The following TSPAN5 variants were observed in gnomAD, a reference collection of about 807,000 sequenced individuals.
TSPAN5 encodes tetraspanin-5.
A neutral mutation model predicts 37.1 loss-of-function variants in TSPAN5; 10 were observed. The observed-to-expected ratio is 0.27, with a 90% CI of 0.17 to 0.46. The LOEUF (loss-of-function observed/expected upper bound fraction) is 0.46, where lower values mean the gene tolerates loss of function less well. Ranked by LOEUF, TSPAN5 falls within the 20% of genes least tolerant of loss-of-function variation. The pLI is 1.00. For synonymous variants in TSPAN5, 110 were observed against 118.9 expected (o/e 0.93, Z 0.48); for missense variants, 195 against 326.6 (o/e 0.60, Z 3.11).
At chr4:98,652,031 A>AT (rs147104063) in intron 1 of TSPAN5, among the ~76,000 whole-genome samples, 5,914 of 150,374 alleles carry the variant, frequency 0.039, 274 homozygotes, top group East Asian at 0.22. Flanking sequence ...TTAATTTTTA[A>AT]TTTTTTTTTG....
intron 1 of TSPAN5, among the ~76,000 whole-genome samples, chr4:98,527,341 A>T (rs1374456587): frequency 6.6e-6 from 1 of 152,246 alleles, no homozygotes; most frequent in Non-Finnish European, 1.5e-5. Context: ...ATATCATTAG[A>T]GAGGTTTCTT....
intron 1 of TSPAN5, among the ~76,000 whole-genome samples, chr4:98,559,119 C>A (rs947024640): frequency 6.7e-5 from 9 of 134,092 alleles, no homozygotes; most frequent in Non-Finnish European, 1.3e-4. Flanking sequence ...GGGAAACAAG[C>A]CTTTCAAGAA....
intron 1 of TSPAN5, among the ~76,000 whole-genome samples, chr4:98,591,729 G>A (rs1270795593): frequency 7.2e-5 from 10 of 139,500 alleles, no homozygotes; most frequent in African/African-American, 2.7e-4. Flanking sequence ...TTTTTAATGT[G>A]TCTACCAGAA....
Position 98,478,691 on chromosome 4 carries a change from A to T in TSPAN5, c.570T>A (p.Asp190Glu), listed in dbSNP as rs1752762379. The T allele has an allele frequency of 6.2e-7, 1 of 1,614,074 alleles. No homozygotes were observed. Among genetic ancestry groups the T allele is most frequent in the South Asian group, 1.1e-5 (1 of 91,086 alleles). Residue 190 changes from aspartate (D) to glutamate (E), a missense_variant, in exon 5 of 8, where the codon GAT (aspartate) becomes GAA (glutamate). Coordinates refer to ENST00000305798, the MANE Select transcript of TSPAN5 (RefSeq NM_005723.4). ...TTCGCTGGCATTCACTTACTGCGGGATCTTTAGTGCAGCAGGAGAATGGAA... is the reference window on the plus strand; with the variant it reads ...TTCGCTGGCATTCACTTACTGCGGGTTCTTTAGTGCAGCAGGAGAATGGAA... The part of the protein sequence containing the change: ...CGVPFSCCTK[D>E]PAEDVINTQC...
intron 2 of TSPAN5, among the ~76,000 whole-genome samples, chr4:98,491,019 A>G (rs1490002976): frequency 1.3e-5 from 2 of 151,886 alleles, no homozygotes; most frequent in Admixed American, 6.6e-5. Context: ...CCGATATCGC[A>G]CCACTGCACT....
chr4:98,598,038 C>T (rs1188895591), intron 1 of TSPAN5, among the ~76,000 whole-genome samples: 2 of 86,970 alleles, frequency 2.3e-5, no homozygotes, highest in East Asian at 2.8e-4. Context: ...CCCCCAGCCT[C>T]GTTGCCGCCT....
At chr4:98,507,646 C>T (rs748209546) in intron 2 of TSPAN5, 32 bp downstream of exon 2, 28 of 1,567,674 alleles carry the variant, frequency 1.8e-5, no homozygotes, top group African/African-American at 8.2e-5. Context: ...CTAACAACCA[C>T]GATGTGTGCA....
chr4:98,573,631 T>C (rs114746117), intron 1 of TSPAN5, among the ~76,000 whole-genome samples: 81 of 152,346 alleles, frequency 5.3e-4, no homozygotes, highest in Non-Finnish European at 1.0e-3. Flanking sequence ...TTGAAAACTG[T>C]CATCGAATAC....
At chr4:98,656,080 C>T (rs1290453399) in intron 1 of TSPAN5, among the ~76,000 whole-genome samples, 2 of 152,156 alleles carry the variant, frequency 1.3e-5, no homozygotes, top group Admixed American at 6.5e-5. Context: ...TACTCACCCA[C>T]CCACCTATGA....
intron 1 of TSPAN5, among the ~76,000 whole-genome samples, chr4:98,555,061 G>A (rs1754709090): frequency 6.6e-6 from 1 of 152,168 alleles, no homozygotes; most frequent in South Asian, 2.1e-4. Context: ...GCCCTGAAAT[G>A]TGAACACAAG....
chr4:98,657,971 A>T (rs1757325621), intron 1 of TSPAN5, among the ~76,000 whole-genome samples, 175 bp downstream of exon 1: 1 of 152,046 alleles, frequency 6.6e-6, no homozygotes, highest in African/African-American at 2.4e-5. Flanking sequence ...CCTCGAAAGG[A>T]TTAAATGTTT....
At chr4:98,572,124 T>A (rs976319962) in intron 1 of TSPAN5, among the ~76,000 whole-genome samples, 1 of 152,024 alleles carries the variant, frequency 6.6e-6, no homozygotes, top group South Asian at 2.1e-4. Flanking sequence ...CCACCACACC[T>A]GGCTAATTTT....
At chr4:98,495,333 T>C (rs1196131660) in intron 2 of TSPAN5, among the ~76,000 whole-genome samples, 2 of 152,006 alleles carry the variant, frequency 1.3e-5, no homozygotes, top group Non-Finnish European at 2.9e-5. Context: ...ATCGAGACCA[T>C]CCTGGCTAAC....
intron 1 of TSPAN5, among the ~76,000 whole-genome samples, chr4:98,521,035 G>A (rs1324327021): frequency 2.6e-5 from 4 of 152,102 alleles, no homozygotes; most frequent in Non-Finnish European, 4.4e-5. Context: ...CGGTTCAAGC[G>A]ATTCTCCTGC....
chr4:98,599,338 G>A (rs1370889764), intron 1 of TSPAN5, among the ~76,000 whole-genome samples: 1 of 151,694 alleles, frequency 6.6e-6, no homozygotes, highest in Non-Finnish European at 1.5e-5. Flanking sequence ...TTTCAAACTT[G>A]GAAAGTCAAA....
intron 1 of TSPAN5, among the ~76,000 whole-genome samples, chr4:98,545,605 T>C (rs1036546253): frequency 3.3e-5 from 5 of 152,062 alleles, no homozygotes; most frequent in African/African-American, 1.2e-4. Flanking sequence ...TATCGGCTCA[T>C]TACAACCTCT....
intron 1 of TSPAN5, among the ~76,000 whole-genome samples, chr4:98,627,185 G>A (rs1230404662): frequency 1.3e-5 from 2 of 152,104 alleles, no homozygotes; most frequent in African/African-American, 4.8e-5. Flanking sequence ...AATTAAAAGT[G>A]TCAGTGTCAT....
At chr4:98,657,583 T>C (rs1276717784) in intron 1 of TSPAN5, 1 of 159,562 alleles carries the variant, frequency 6.3e-6, no homozygotes, top group East Asian at 1.9e-4. Context: ...CAGGAAACGT[T>C]ATTTACGTGC....
At chr4:98,561,764 T>C (rs1247870216) in intron 1 of TSPAN5, among the ~76,000 whole-genome samples, 2 of 152,236 alleles carry the variant, frequency 1.3e-5, no homozygotes, top group Non-Finnish European at 2.9e-5. Context: ...CGCTGAGCAC[T>C]ACTATAGGTG....
Sources: gnomAD v4.1 joint callset for allele counts (sites outside exome capture counted in the v4.1 genomes callset) on GRCh38, gnomAD v4.1.1 for gene constraint, MANE v1.5 for transcripts, NCBI Gene and HGNC (gene_info 2026-07-23, HGNC 2026-07-21) for gene names.